Variants in MKLN1 observed in about 807,000 individuals in gnomAD.
MKLN1 encodes the protein muskelin.
Under a neutral mutation model 99.0 loss-of-function variants are expected in MKLN1, and 18 were observed. The ratio of observed to expected loss-of-function variants is 0.18; its 90% CI spans 0.13 to 0.27. MKLN1 has a LOEUF of 0.27. Ranked by LOEUF, MKLN1 falls within the 10% of genes least tolerant of loss-of-function variation. The pLI is 1.00. For synonymous variants in MKLN1, 288 were observed against 293.2 expected (o/e 0.98, Z 0.18); for missense variants, 621 against 875.9 (o/e 0.71, Z 3.67).
rs1797482470 is a variant in MKLN1, at chr7:131,493,766, C to T, written c.*6038C>T. The T allele has an allele frequency of 6.6e-6, 1 of 152,222 alleles. No homozygotes were observed. The highest frequency in any genetic ancestry group is 1.5e-5 in the Non-Finnish European group (1 of 68,038). The allele number at this position is 152,222 out of a possible 1,614,324, so 9.4% of individuals were successfully genotyped here. ...AGTTTAAGCTCTTGCTGCAACATAG[C>T]TCTGTACCATCTGGGATGCTAGCAG... On this transcript the variant is annotated 3_prime_UTR_variant, in exon 18 of 18. Transcript: ENST00000352689.
chr7:131,126,979 A>C (rs1266392496), intron 1 of MKLN1, among the ~76,000 whole-genome samples: 5 of 152,120 alleles, frequency 3.3e-5, no homozygotes, highest in Non-Finnish European at 7.4e-5. Context: ...CAGCCTGACC[A>C]ACATGGAAAA....
At chr7:131,327,117 A>ACT (rs1045474519), upstream of MKLN1, 3 of 152,042 alleles carry the variant, frequency 2.0e-5, no homozygotes, top group African/African-American at 7.2e-5. Context: ...TTCCTGAACT[A>ACT]CTCTCTCTCT....
chr7:131,133,330 ATT>A (rs11354175), intron 1 of MKLN1, among the ~76,000 whole-genome samples: 4 of 131,614 alleles, frequency 3.0e-5, no homozygotes, highest in Non-Finnish European at 4.8e-5. Context: ...TTTAATTTTA[ATT>A]TTTTTTTTCT....
At chr7:131,400,953 A>G (rs1450504734) in intron 6 of MKLN1, among the ~76,000 whole-genome samples, 1 of 152,124 alleles carries the variant, frequency 6.6e-6, no homozygotes. Context: ...CTGTTAGTTA[A>G]TAAACATTCC....
chr7:131,271,660 C>T lies in MKLN1; in HGVS notation c.-179+68686C>T, dbSNP rs189030188. On this transcript the variant is annotated intron_variant, in intron 3 of 7. Transcript: ENST00000416992. Reference sequence around the variant, plus strand: ...AAATTTGGCCGGGCATGGTTGCTCACGCCTGTAATCCCAGCACTTTGGGAG... The same window carrying T: ...AAATTTGGCCGGGCATGGTTGCTCATGCCTGTAATCCCAGCACTTTGGGAG... 4.3e-3 allele frequency among the ~76,000 whole-genome samples: 632 copies of T among 145,954 alleles called. 5 individuals carry two copies. Among genetic ancestry groups the T allele is most frequent in the African/African-American group, 0.014 (555 of 39,470 alleles).
At chr7:131,478,177 T>C (rs1053724184) in intron 16 of MKLN1, among the ~76,000 whole-genome samples, 1 of 152,210 alleles carries the variant, frequency 6.6e-6, no homozygotes, top group African/African-American at 2.4e-5. Context: ...TTCTCAGATT[T>C]TGATTTACAC....
intron 3 of MKLN1, among the ~76,000 whole-genome samples, chr7:131,229,313 G>A (rs1797204964): frequency 6.6e-6 from 1 of 151,452 alleles, no homozygotes; most frequent in Non-Finnish European, 1.5e-5. Flanking sequence ...TCCTCCTCTA[G>A]CCCCCCACCT....
intron 3 of MKLN1, among the ~76,000 whole-genome samples, chr7:131,263,330 C>A (rs1486736222): frequency 9.7e-6 from 1 of 102,588 alleles, no homozygotes; most frequent in Non-Finnish European, 2.3e-5. Context: ...ATAGTGAGAC[C>A]TCATCTCTAC....
intron 3 of MKLN1, among the ~76,000 whole-genome samples, chr7:131,308,432 C>A (rs441194): frequency 6.6e-6 from 1 of 151,482 alleles, no homozygotes; most frequent in East Asian, 1.9e-4. Flanking sequence ...CAGCTAATTT[C>A]TGTATTTTTG....
chr7:131,189,510 G>C (rs73149847), intron 2 of MKLN1, among the ~76,000 whole-genome samples: 1 of 143,194 alleles, frequency 7.0e-6, no homozygotes, highest in Admixed American at 7.2e-5. Flanking sequence ...AATCCCCCTA[G>C]AAGTTTTTTA....
At chr7:131,378,722 C>T (rs1350550636) in intron 2 of MKLN1, among the ~76,000 whole-genome samples, 1 of 151,988 alleles carries the variant, frequency 6.6e-6, no homozygotes, top group East Asian at 1.9e-4. Context: ...CCGAGATACT[C>T]AGGAGGCTGA....
rs1024592945 is a variant in MKLN1, at chr7:131,466,526, A to G, written c.1928+111A>G. ...ACTATGAAGATCATGAATTTTGTAA[A>G]TGCCCTGTTATTCCACTTATTTTTG... On this transcript the variant is annotated intron_variant, in intron 15 of 17. Transcript: ENST00000352689. 9 of 681,358 alleles carry G rather than the reference A, an allele frequency of 1.3e-5. No homozygotes were observed. The Admixed American group carries it at 3.2e-4, about 24-fold the overall frequency. The allele number at this position is 681,358 out of a possible 1,614,324, so 42.2% of individuals were successfully genotyped here. A position where few individuals can be genotyped will look rare whatever the true frequency, so the allele number is the denominator to read the frequency against.
intron 3 of MKLN1, among the ~76,000 whole-genome samples, chr7:131,277,484 A>G (rs1341780533): frequency 6.6e-6 from 1 of 152,098 alleles, no homozygotes; most frequent in Non-Finnish European, 1.5e-5. Flanking sequence ...GGGTTTCACC[A>G]TGTTGGCCAA....
intron 1 of MKLN1, among the ~76,000 whole-genome samples, chr7:131,339,355 G>T (rs1799339091): frequency 6.6e-6 from 1 of 152,100 alleles, no homozygotes; most frequent in African/African-American, 2.4e-5. Flanking sequence ...TTTTATTTTT[G>T]GTTTCATTGG....
rs1419464177 is a variant in MKLN1, at chr7:131,492,819, C to A, written c.*5091C>A. On this transcript the variant is annotated 3_prime_UTR_variant, in exon 18 of 18. Transcript: ENST00000352689. ...GGCCAGTCATAGCCAATGAAATCAT[C>A]TGACGGTAGCTTCTGTAGCCCTTAA... 1 of 151,588 alleles carries A rather than the reference C, an allele frequency of 6.6e-6. No homozygotes were observed. The highest frequency in any genetic ancestry group is 2.4e-5 in the African/African-American group (1 of 41,288). The allele number at this position is 151,588 out of a possible 1,614,324, so 9.4% of individuals were successfully genotyped here.
intron 1 of MKLN1, among the ~76,000 whole-genome samples, chr7:131,338,392 C>T (rs963090685): frequency 2.6e-5 from 4 of 152,194 alleles, no homozygotes; most frequent in Admixed American, 6.5e-5. Context: ...TTTTTGGCTT[C>T]TTAGCCCCTT....
chr7:131,173,745 A>G (rs1259830480), intron 2 of MKLN1, among the ~76,000 whole-genome samples: 1 of 152,056 alleles, frequency 6.6e-6, no homozygotes, highest in Non-Finnish European at 1.5e-5. Flanking sequence ...ACACACAGAG[A>G]AACATAGTTT....
chr7:131,318,071 G>A (rs796835740), intron 3 of MKLN1, among the ~76,000 whole-genome samples: 42 of 152,194 alleles, frequency 2.8e-4, no homozygotes, highest in African/African-American at 9.6e-4. Context: ...CATTAACAAA[G>A]ATATTCAGGA....
At chr7:131,180,310 A>C (rs1487379998) in intron 2 of MKLN1, among the ~76,000 whole-genome samples, 1 of 152,212 alleles carries the variant, frequency 6.6e-6, no homozygotes, top group African/African-American at 2.4e-5. Flanking sequence ...ACAGATCCTA[A>C]AATGAAGCAA....
Sources: allele counts gnomAD v4.1 joint callset (sites outside exome capture counted in the v4.1 genomes callset), GRCh38; gene constraint gnomAD v4.1.1; transcripts MANE v1.5; gene names NCBI Gene and HGNC (gene_info 2026-07-23, HGNC 2026-07-21).